The following KAZN variants were observed in gnomAD, a reference collection of about 807,000 sequenced individuals.
KAZN encodes the protein kazrin, periplakin interacting protein, also known as kazrin.
Under a neutral mutation model 87.4 loss-of-function variants are expected in KAZN, and 40 were observed. The observed-to-expected ratio is 0.46, with a 90% CI of 0.36 to 0.60. The LOEUF is 0.60. KAZN is among the 20% of genes least tolerant of loss of function. The probability of loss-of-function intolerance (pLI) is 0.00; values close to 1 mark genes in which losing one functional copy is unlikely to be tolerated. For missense variants in KAZN, 898 were observed against 1,073.9 expected (o/e 0.84, Z 2.29); for synonymous variants, 466 against 458.3 (o/e 1.02, Z -0.22).
chr1:14,886,425 T>TAC (rs1184748565), intron 1 of KAZN, among the ~76,000 whole-genome samples: 37 of 139,944 alleles, frequency 2.6e-4, no homozygotes, highest in African/African-American at 8.4e-4. Flanking sequence ...CTTGTCTCTA[T>TAC]ACACACACAC....
chr1:14,807,876 G>A (rs1415980105), intron 1 of KAZN, among the ~76,000 whole-genome samples: 1 of 152,058 alleles, frequency 6.6e-6, no homozygotes, highest in East Asian at 1.9e-4. Context: ...CCCTGGCTTG[G>A]AGCAGCCTCC....
At position 15,060,288 on chromosome 1, in the gene KAZN, C is replaced by G; in HGVS notation, c.1033C>G (p.His345Asp). The G allele has an allele frequency of 1.2e-6, 2 of 1,614,196 alleles. No individual in the cohort carries two copies. The highest frequency in any genetic ancestry group is 2.7e-5 in the African/African-American group (2 of 75,082). ...SDINSPRHRT[H>D]SLCNGDSPGP... ...CATCAACTCCCCTCGACACCGGACA[C>G]ACTCCCTCTGCAACGTAAGGCCAGC... The change falls in exon 6 of 15, where the codon CAC (histidine) becomes GAC (aspartate). Residue 345 changes from histidine (H) to aspartate (D), a missense_variant. Transcript: ENST00000376030.
chr1:14,141,141 T>TC (rs1236940043), intron 1 of KAZN, among the ~76,000 whole-genome samples: 1 of 149,826 alleles, frequency 6.7e-6, no homozygotes, highest in Non-Finnish European at 1.5e-5. Flanking sequence ...CTTCTAAACT[T>TC]CCCCAGAAAA....
At chr1:14,067,640 C>G (rs570060857) in intron 1 of KAZN, among the ~76,000 whole-genome samples, 11 of 152,308 alleles carry the variant, frequency 7.2e-5, no homozygotes, top group East Asian at 3.9e-4. Flanking sequence ...CTGTCCCCCC[C>G]CATACTGCTT....
chr1:14,849,411 C>T (rs1033047295), intron 1 of KAZN, among the ~76,000 whole-genome samples: 4 of 152,140 alleles, frequency 2.6e-5, no homozygotes, highest in Non-Finnish European at 4.4e-5. Context: ...TACTACGTTC[C>T]GGGCTCTGCA....
At chr1:14,648,510 A>G (rs1680980109) in intron 1 of KAZN, among the ~76,000 whole-genome samples, 1 of 152,136 alleles carries the variant, frequency 6.6e-6, no homozygotes, top group Non-Finnish European at 1.5e-5. Context: ...AAAGGAAAAA[A>G]CAGACTTGTC....
At chr1:14,114,880 T>C (rs900319695) in intron 1 of KAZN, among the ~76,000 whole-genome samples, 4 of 152,202 alleles carry the variant, frequency 2.6e-5, no homozygotes, top group Non-Finnish European at 5.9e-5. Flanking sequence ...ATGACACAAC[T>C]ACAACCATAG....
At chr1:15,109,767 A>C (rs1399428712) in intron 13 of KAZN, among the ~76,000 whole-genome samples, 4 of 41,056 alleles carry the variant, frequency 9.7e-5, no homozygotes, top group Admixed American at 2.9e-4. Flanking sequence ...TTGTGTCTGT[A>C]TGTCTGTGTA....
At chr1:14,595,062 T>C (rs184550281), upstream of KAZN, among the ~76,000 whole-genome samples, 1 of 152,094 alleles carries the variant, frequency 6.6e-6, no homozygotes, top group Non-Finnish European at 1.5e-5. Flanking sequence ...GAGAATTGCT[T>C]GAACCCGGGA....
At chr1:14,859,003 G>A (rs1191270796) in intron 1 of KAZN, among the ~76,000 whole-genome samples, 1 of 152,112 alleles carries the variant, frequency 6.6e-6, no homozygotes. Flanking sequence ...TCAGGAGATC[G>A]AGACCATCCT....
intron 1 of KAZN, among the ~76,000 whole-genome samples, chr1:14,122,227 A>G (rs1275688152): frequency 6.6e-6 from 1 of 152,190 alleles, no homozygotes; most frequent in African/African-American, 2.4e-5. Flanking sequence ...GAAATAAAAG[A>G]ATTTGTAATG....
intron 1 of KAZN, among the ~76,000 whole-genome samples, chr1:14,917,915 G>A (rs891338588): frequency 1.3e-5 from 2 of 151,050 alleles, no homozygotes; most frequent in African/African-American, 4.9e-5. Context: ...GTCTTGCTCT[G>A]TCGCCCAGGC....
intron 1 of KAZN, among the ~76,000 whole-genome samples, chr1:14,843,916 A>G (rs1022975427): frequency 6.6e-6 from 1 of 152,192 alleles, no homozygotes; most frequent in African/African-American, 2.4e-5. Context: ...GGACAAAGAC[A>G]CACTGAATCT....
chr1:14,063,861 A>G (rs1187760736), intron 1 of KAZN, among the ~76,000 whole-genome samples: 2 of 152,188 alleles, frequency 1.3e-5, no homozygotes, highest in Admixed American at 6.5e-5. Context: ...CTTGCCTGCC[A>G]TCATATAAGA....
chr1:14,517,905 G>A (rs987037883), intron 2 of KAZN, among the ~76,000 whole-genome samples: 1 of 152,184 alleles, frequency 6.6e-6, no homozygotes, highest in Admixed American at 6.5e-5. Context: ...CTGTAAGTGT[G>A]TGCTCAGCCC....
intron 2 of KAZN, among the ~76,000 whole-genome samples, chr1:14,236,090 G>A (rs1288905370): frequency 2.8e-5 from 4 of 145,238 alleles, no homozygotes; most frequent in African/African-American, 9.9e-5. Flanking sequence ...ATACAAGAAA[G>A]ATAAAAATCC....
At chr1:14,249,405 C>G (rs943387436) in intron 2 of KAZN, among the ~76,000 whole-genome samples, 1 of 152,202 alleles carries the variant, frequency 6.6e-6, no homozygotes, top group African/African-American at 2.4e-5. Flanking sequence ...TTATCGTCAA[C>G]AAACCCAAAC....
chr1:14,723,893 A>G (rs1643246891), intron 1 of KAZN, among the ~76,000 whole-genome samples: 2 of 152,138 alleles, frequency 1.3e-5, no homozygotes, highest in African/African-American at 4.8e-5. Flanking sequence ...GAGGTGATGA[A>G]AAGAGACAAA....
rs1049237726 is a variant in KAZN at position 13,991,902 on chromosome 1, C to T, written c.91+98146C>T. ...CAGACGCAGTGTACCTCATTCCCAA[C>T]CCTCCGTGCCTTACACAGTCTGTCT... is the stretch of plus-strand genomic sequence containing the variant. On this transcript the variant is annotated intron_variant, in intron 1 of 16. Transcript: ENST00000636203. 2.0e-5 allele frequency among the ~76,000 whole-genome samples: 3 copies of T among 152,146 alleles called. No homozygotes were observed. In the East Asian group the frequency reaches 5.8e-4, roughly 29 times the overall value.
Sources: gnomAD v4.1 joint callset for allele counts (sites outside exome capture counted in the v4.1 genomes callset) on GRCh38, gnomAD v4.1.1 for gene constraint, MANE v1.5 for transcripts, NCBI Gene and HGNC (gene_info 2026-07-23, HGNC 2026-07-21) for gene names.